CDKL5: variants seen among roughly 807,000 people sequenced by gnomAD.
The protein encoded by CDKL5 is cyclin dependent kinase like 5, also known as cyclin-dependent kinase-like 5.
A neutral mutation model predicts 61.7 loss-of-function variants in CDKL5; 8 were observed. The observed-to-expected ratio is 0.13, with a 90% CI of 0.08 to 0.23. The LOEUF (loss-of-function observed/expected upper bound fraction) is 0.23, where lower values mean the gene tolerates loss of function less well. Among genes scored for constraint, CDKL5 ranks in the 10% least tolerant of loss-of-function variants. The pLI, the probability that CDKL5 is intolerant of heterozygous loss-of-function variation, is 1.00. For missense variants in CDKL5, 440 were observed against 734.5 expected, an observed-to-expected ratio of 0.60 and a Z score of 4.63; for synonymous variants, 275 against 272.3, an observed-to-expected ratio of 1.01 and a Z score of -0.10.
intron 4 of CDKL5, among the ~76,000 whole-genome samples, chrX:18,566,116 C>A (rs754429368): frequency 5.1e-4 from 57 of 112,198 alleles, no homozygotes; most frequent in Non-Finnish European, 9.8e-4. Context: ...TAACTGTCAT[C>A]AAATTTTGTA....
rs1013563950 is a variant in CDKL5 at position 18,653,604 on chromosome X, A to G, written c.*60A>G. The G allele has an allele frequency of 6.2e-6, 7 of 1,137,803 alleles. No individual in the cohort carries two copies. In the African/African-American group the frequency reaches 1.1e-4, roughly 18 times the overall value. 93.8% of individuals were successfully genotyped at this position (1,137,803 alleles called of 1,213,427 possible). On this transcript the variant is annotated 3_prime_UTR_variant, in exon 22 of 22. Coordinates refer to the CDKL5 transcript ENST00000379989. The stretch of plus-strand genomic sequence containing the variant: ...AATCACCTCTCTCATGGAAGAACCA[A>G]TTAACACCAATGAATCAACCATTAA...
chrX:18,467,849 G>A (rs188163707), intron 1 of CDKL5, among the ~76,000 whole-genome samples: 118 of 111,993 alleles, frequency 1.1e-3, no homozygotes, highest in Non-Finnish European at 3.4e-4. Context: ...TAGTGTTGTG[G>A]AAGGAGAATT....
chrX:18,603,617 T>A (rs1263095452), intron 11 of CDKL5, among the ~76,000 whole-genome samples: 1 of 112,337 alleles, frequency 8.9e-6, no homozygotes, highest in Non-Finnish European at 1.9e-5. Flanking sequence ...AATGAGAGTA[T>A]GTTTTACCAG....
chrX:18,635,438 T>G lies in CDKL5; in HGVS notation c.*6681T>G. 2 of 754,189 alleles carry G rather than the reference T, an allele frequency of 2.7e-6. No individual in the cohort carries two copies. The highest frequency in any genetic ancestry group is 3.1e-6 in the Non-Finnish European group (2 of 639,161). The allele number at this position is 754,189 out of a possible 1,213,427, so 62.2% of individuals were successfully genotyped here. ...GTCCCAATCTTGAGCACTGTGGTCC[T>G]TCGTGTTTGAACTGCGAACAGCTCC... is the stretch of plus-strand genomic sequence containing the variant. On this transcript the variant is annotated 3_prime_UTR_variant, in exon 18 of 18. Coordinates refer to ENST00000623535, the MANE Select transcript of CDKL5 (RefSeq NM_001323289.2).
At chrX:18,536,796 T>C (rs181212217) in intron 3 of CDKL5, among the ~76,000 whole-genome samples, 5 of 110,990 alleles carry the variant, frequency 4.5e-5, no homozygotes, top group Admixed American at 2.9e-4. Context: ...TGAGAGCTTC[T>C]GGCTGCACCG....
chrX:18,647,721 A>G lies in CDKL5; in HGVS notation c.2797+1631A>G, dbSNP rs1005094649. On this transcript the variant is annotated intron_variant, in intron 20 of 21. Transcript: ENST00000379989. ...CCATACATCTTTATTTCCCCCATTA[A>G]CACAGATTTAGCCATCCTGCCTCAT... The G allele has an allele frequency of 5.7e-5, 11 of 192,712 alleles. No individual in the cohort carries two copies. In the East Asian group the frequency reaches 1.3e-3, roughly 23 times the overall value. 15.9% of individuals were successfully genotyped at this position (192,712 alleles called of 1,213,427 possible). A position where few individuals can be genotyped will look rare whatever the true frequency, so the allele number is the denominator to read the frequency against.
intron 3 of CDKL5, among the ~76,000 whole-genome samples, chrX:18,519,336 A>G (rs1171207681): frequency 8.9e-6 from 1 of 112,213 alleles, no homozygotes; most frequent in Non-Finnish European, 1.9e-5. Context: ...CTTTGTATAG[A>G]AAGAGTTTGC....
chrX:18,607,012 A>AC (rs1478955098), intron 12 of CDKL5, among the ~76,000 whole-genome samples: 1 of 111,538 alleles, frequency 9.0e-6, no homozygotes, highest in Non-Finnish European at 1.9e-5. Flanking sequence ...ACCTAATTCA[A>AC]CCCCTTCATT....
intron 1 of CDKL5, among the ~76,000 whole-genome samples, chrX:18,451,487 A>T (rs1377721606): frequency 9.0e-6 from 1 of 111,491 alleles, no homozygotes; most frequent in African/African-American, 3.3e-5. Flanking sequence ...CACCACACCC[A>T]GCCAATATCT....
downstream of CDKL5, among the ~76,000 whole-genome samples, chrX:18,643,446 G>A (rs1337303624): frequency 8.9e-6 from 1 of 112,232 alleles, no homozygotes; most frequent in Non-Finnish European, 1.9e-5. Context: ...GGGGAGGGTG[G>A]AACAGGCTCC....
intron 1 of CDKL5, among the ~76,000 whole-genome samples, chrX:18,491,567 T>C (rs1921995848): frequency 8.9e-6 from 1 of 111,761 alleles, no homozygotes; most frequent in Non-Finnish European, 1.9e-5. Context: ...GAATTTTCCA[T>C]GTCATTGACA....
At chrX:18,601,385 C>T (rs919894030) in intron 11 of CDKL5, among the ~76,000 whole-genome samples, 1 of 112,426 alleles carries the variant, frequency 8.9e-6, no homozygotes, top group African/African-American at 3.2e-5. Flanking sequence ...GTTATCTATC[C>T]ATCCATCCAT....
chrX:18,454,863 T>G (rs1301430970), intron 1 of CDKL5, among the ~76,000 whole-genome samples: 1 of 108,790 alleles, frequency 9.2e-6, no homozygotes, highest in African/African-American at 3.4e-5. Context: ...ATAATATCAT[T>G]GCATCACTAT....
At chrX:18,548,973 A>G (rs1262511054) in intron 3 of CDKL5, among the ~76,000 whole-genome samples, 1 of 112,027 alleles carries the variant, frequency 8.9e-6, no homozygotes, top group African/African-American at 3.2e-5. Context: ...AAATTAGGAT[A>G]TTGTATTTGC....
At chrX:18,539,975 G>A (rs931306379) in intron 3 of CDKL5, among the ~76,000 whole-genome samples, 2 of 111,505 alleles carry the variant, frequency 1.8e-5, no homozygotes, top group African/African-American at 3.3e-5. Context: ...TTTCTTCTAC[G>A]TACATTGAGC....
chrX:18,433,270 G>A (rs943456917), intron 1 of CDKL5, among the ~76,000 whole-genome samples: 2 of 107,911 alleles, frequency 1.9e-5, no homozygotes, highest in African/African-American at 3.4e-5. Context: ...TACACTTCTC[G>A]GCCGGGCCTG....
intron 1 of CDKL5, among the ~76,000 whole-genome samples, chrX:18,490,768 G>T (rs192425215): frequency 3.5e-3 from 388 of 111,777 alleles, no homozygotes; most frequent in African/African-American, 0.012. Flanking sequence ...ACTATTATTT[G>T]TATGGCCAAA....
chrX:18,464,263 A>G lies in CDKL5; in HGVS notation c.-163+38568A>G, dbSNP rs1264041253. On this transcript the variant is annotated intron_variant, in intron 1 of 17. Transcript: ENST00000623535. ...TTTCTTTTTCTTCTTTTTATTTAAA[A>G]TAGAGATGAGGTCTCACTAAGTTGC... Among the ~76,000 whole-genome samples, 21 of 110,173 alleles carry G rather than the reference A, an allele frequency of 1.9e-4. No homozygotes were observed. The Admixed American group carries it at 2.0e-3, about 10-fold the overall frequency.
At chrX:18,431,517 G>A (rs1219370047) in intron 1 of CDKL5, among the ~76,000 whole-genome samples, 1 of 107,482 alleles carries the variant, frequency 9.3e-6, no homozygotes, top group Admixed American at 9.9e-5. Context: ...TGCCTCCCGG[G>A]TTCACGCCAT....
Sources: gnomAD v4.1 joint callset for allele counts (sites outside exome capture counted in the v4.1 genomes callset) on GRCh38, gnomAD v4.1.1 for gene constraint, MANE v1.5 for transcripts, NCBI Gene and HGNC (gene_info 2026-07-23, HGNC 2026-07-21) for gene names.